THSD7A: variants seen among roughly 807,000 people sequenced by gnomAD.
The protein encoded by THSD7A is thrombospondin type 1 domain containing 7A, also known as thrombospondin type-1 domain-containing protein 7A.
THSD7A carries 96 observed loss-of-function variants against 231.3 expected under a neutral mutation model. The observed-to-expected ratio is 0.41, with a 90% CI of 0.35 to 0.49. The LOEUF (loss-of-function observed/expected upper bound fraction) is 0.49, where lower values mean the gene tolerates loss of function less well. Among genes scored for constraint, THSD7A ranks in the 20% least tolerant of loss-of-function variants. The probability of loss-of-function intolerance (pLI) is 0.05; values close to 1 mark genes in which losing one functional copy is unlikely to be tolerated. For synonymous variants in THSD7A, 940 were observed against 743.3 expected (o/e 1.26, Z -4.30); for missense variants, 2,290 against 2,070.2 (o/e 1.11, Z -2.06).
At chr7:11,511,562 C>T (rs545392166) in intron 6 of THSD7A, among the ~76,000 whole-genome samples, 2 of 152,310 alleles carry the variant, frequency 1.3e-5, no homozygotes, top group South Asian at 4.1e-4. Context: ...ACCAAAACAG[C>T]ATGGTACTGG....
At chr7:11,791,640 A>C (rs1783954438) in intron 1 of THSD7A, among the ~76,000 whole-genome samples, 2 of 152,144 alleles carry the variant, frequency 1.3e-5, no homozygotes, top group South Asian at 4.1e-4. Flanking sequence ...TCCTTGTAAG[A>C]ATTTCCTTAG....
At chr7:11,567,565 C>G (rs1440983446) in intron 4 of THSD7A, among the ~76,000 whole-genome samples, 2 of 152,182 alleles carry the variant, frequency 1.3e-5, no homozygotes, top group Non-Finnish European at 2.9e-5. Flanking sequence ...CAATAATTCT[C>G]ACCCTGGGCC....
At position 11,626,978 on chromosome 7, in the gene THSD7A, T is replaced by A. The variant is rs1456366434; in HGVS notation, c.1022+9152A>T. Among the ~76,000 whole-genome samples, 10 of 152,164 alleles carry A rather than the reference T, an allele frequency of 6.6e-5. No individual in the cohort carries two copies. In the East Asian group the frequency reaches 1.7e-3, roughly 26 times the overall value. ...TTTGTCATGACCTTAGAAGGTTCCATTTTCTCATTGGCTTCAGTTGAATTC... is the reference window on the plus strand; with the variant it reads ...TTTGTCATGACCTTAGAAGGTTCCAATTTCTCATTGGCTTCAGTTGAATTC... On this transcript the variant is annotated intron_variant, in intron 2 of 27. Transcript: ENST00000423059.
At chr7:11,679,991 A>G (rs1390468036) in intron 1 of THSD7A, among the ~76,000 whole-genome samples, 1 of 152,112 alleles carries the variant, frequency 6.6e-6, no homozygotes, top group Non-Finnish European at 1.5e-5. Context: ...CTGGTACCAA[A>G]ACAGATATAT....
intron 1 of THSD7A, among the ~76,000 whole-genome samples, chr7:11,681,997 C>A (rs1458037503): frequency 6.6e-6 from 1 of 151,982 alleles, no homozygotes. Context: ...ATTTCATAAC[C>A]CACCAAAGTA....
intron 1 of THSD7A, among the ~76,000 whole-genome samples, chr7:11,741,064 G>A (rs1207514341): frequency 1.3e-5 from 2 of 151,900 alleles, no homozygotes; most frequent in Non-Finnish European, 2.9e-5. Context: ...CTAGGTACCT[G>A]TTAATCGATG....
intron 1 of THSD7A, among the ~76,000 whole-genome samples, chr7:11,713,514 A>T (rs1255740620): frequency 6.6e-6 from 1 of 151,222 alleles, no homozygotes; most frequent in Non-Finnish European, 1.5e-5. Context: ...TTACTCATGG[A>T]GGCATAAGTA....
At chr7:11,749,194 A>T (rs928633831) in intron 1 of THSD7A, among the ~76,000 whole-genome samples, 10 of 151,964 alleles carry the variant, frequency 6.6e-5, no homozygotes, top group Admixed American at 6.6e-4. Context: ...AGTGCTCCTT[A>T]TCACACATTC....
chr7:11,445,439 C>T (rs1034987754), intron 13 of THSD7A, among the ~76,000 whole-genome samples: 6 of 151,744 alleles, frequency 4.0e-5, no homozygotes, highest in African/African-American at 1.5e-4. Context: ...TTTTTCCTTT[C>T]TTTTTTGGTT....
chr7:11,614,867 C>G (rs975475862), intron 2 of THSD7A, among the ~76,000 whole-genome samples: 1 of 152,022 alleles, frequency 6.6e-6, no homozygotes, highest in Non-Finnish European at 1.5e-5. Flanking sequence ...AGTGCAGTGA[C>G]TAATGAGACT....
chr7:11,820,208 G>C (rs1784829927), intron 1 of THSD7A: 4 of 348,066 alleles, frequency 1.1e-5, no homozygotes, highest in Non-Finnish European at 2.1e-5. Context: ...GGTGAGGGGT[G>C]GGGGTAGGAT....
intron 1 of THSD7A, among the ~76,000 whole-genome samples, chr7:11,772,183 AATT>A (rs1448025689): frequency 6.7e-6 from 1 of 149,124 alleles, no homozygotes; most frequent in Non-Finnish European, 1.5e-5. Flanking sequence ...CACCAGTCAG[AATT>A]ATTATTATTA....
intron 1 of THSD7A, among the ~76,000 whole-genome samples, chr7:11,641,520 TC>T (rs1782080628): frequency 6.6e-6 from 1 of 152,030 alleles, no homozygotes. Context: ...ATATTCCAAT[TC>T]CCATTTCAAT....
At chr7:11,523,257 T>C (rs906619326) in intron 6 of THSD7A, among the ~76,000 whole-genome samples, 2 of 152,002 alleles carry the variant, frequency 1.3e-5, no homozygotes, top group Non-Finnish European at 2.9e-5. Context: ...AAATAAAAAG[T>C]CTTTATAGTA....
chr7:11,709,292 T>C (rs1278012811), intron 1 of THSD7A, among the ~76,000 whole-genome samples: 1 of 150,788 alleles, frequency 6.6e-6, no homozygotes, highest in African/African-American at 2.4e-5. Flanking sequence ...CCTTAAGTGA[T>C]TAATTCTCTT....
rs577708183 is a variant in THSD7A, at chr7:11,474,986, G to A, written c.2018-418C>T. Among the ~76,000 whole-genome samples, 3 of 152,200 alleles carry A rather than the reference G, an allele frequency of 2.0e-5. No homozygotes were observed. The highest frequency in any genetic ancestry group is 6.5e-5 in the Admixed American group (1 of 15,272). ...GTAGGATTTCAATAAGCAGAATTCTGGGAAGGGACAGAAGGAAAAGAGAAT... is the reference window on the plus strand; with the variant it reads ...GTAGGATTTCAATAAGCAGAATTCTAGGAAGGGACAGAAGGAAAAGAGAAT... On this transcript the variant is annotated intron_variant, in intron 7 of 27. Coordinates refer to ENST00000423059, the MANE Select transcript of THSD7A (RefSeq NM_015204.3). This position sits in a 1 kb window ranked among gnomAD's most constrained non-coding sequence, Gnocchi z 4.1.
Position 11,812,191 on chromosome 7 carries a change from G to A in THSD7A, c.190+19566C>T, listed in dbSNP as rs1043365810. On this transcript the variant is annotated intron_variant, in intron 1 of 27. Coordinates refer to ENST00000423059, the MANE Select transcript of THSD7A (RefSeq NM_015204.3). The stretch of plus-strand genomic sequence containing the variant: ...AGAGGGAGAGAGAGTGCCCCTGTCA[G>A]GTTTTTTGGGAGACACACAGATGAA... Among the ~76,000 whole-genome samples, 30 of 151,544 alleles carry A rather than the reference G, an allele frequency of 2.0e-4. 1 individual carries two copies. The highest frequency in any genetic ancestry group is 7.4e-5 in the Non-Finnish European group (5 of 67,886).
rs1251526545 is a variant in THSD7A, at chr7:11,634,724, G to A, written c.1022+1406C>T. Among the ~76,000 whole-genome samples, 3 of 151,936 alleles carry A rather than the reference G, an allele frequency of 2.0e-5. No individual in the cohort carries two copies. Among genetic ancestry groups the A allele is most frequent in the Non-Finnish European group, 2.9e-5 (2 of 67,960 alleles). On this transcript the variant is annotated intron_variant, in intron 2 of 27. Coordinates refer to ENST00000423059, the MANE Select transcript of THSD7A (RefSeq NM_015204.3). This position sits in a 1 kb window ranked among gnomAD's most constrained non-coding sequence, Gnocchi z 4.1. ...TAGAATGGAAAAAGGGCAAATTACC[G>A]TACAGCTGAAATAAAATGCAATCGT...
At chr7:11,657,961 G>T (rs951365947) in intron 1 of THSD7A, among the ~76,000 whole-genome samples, 1 of 151,642 alleles carries the variant, frequency 6.6e-6, no homozygotes, top group Non-Finnish European at 1.5e-5. Context: ...GAGTACCTGA[G>T]CTATGGAGGT....
Sources: allele counts gnomAD v4.1 joint callset (sites outside exome capture counted in the v4.1 genomes callset), GRCh38; gene constraint gnomAD v4.1.1; non-coding constraint Gnocchi (gnomAD v3.1); transcripts MANE v1.5; gene names NCBI Gene and HGNC (gene_info 2026-07-23, HGNC 2026-07-21).